The following FRMD6 variants were observed in gnomAD, a reference collection of about 807,000 sequenced individuals.
FRMD6 encodes the protein FERM domain containing 6.
A neutral mutation model predicts 73.2 loss-of-function variants in FRMD6; 37 were observed. That is an observed-to-expected ratio of 0.51 (90% CI 0.39 to 0.66). The LOEUF (loss-of-function observed/expected upper bound fraction) is 0.66. Among genes scored for constraint, FRMD6 ranks in the 30% least tolerant of loss-of-function variants. The pLI is 0.00. For missense variants in FRMD6, 714 were observed against 780.5 expected, an observed-to-expected ratio of 0.91 and a Z score of 1.02; for synonymous variants, 273 against 282.2, an observed-to-expected ratio of 0.97 and a Z score of 0.33.
At chr14:51,655,546 G>T (rs1198059143) in intron 1 of FRMD6, among the ~76,000 whole-genome samples, 1 of 152,162 alleles carries the variant, frequency 6.6e-6, no homozygotes, top group African/African-American at 2.4e-5. Flanking sequence ...TGAGGAAGAG[G>T]CTTTGGGGGC....
chr14:51,480,229 C>T, the FRMD6 span, among the ~76,000 whole-genome samples: 2 of 152,166 alleles, frequency 1.3e-5, no homozygotes, highest in Non-Finnish European at 2.9e-5. Flanking sequence ...AAAAACAGCA[C>T]AGTTGCATTT....
upstream of FRMD6, chr14:51,650,652 C>T (rs967082239): frequency 2.6e-5 from 4 of 151,380 alleles, no homozygotes; most frequent in Non-Finnish European, 5.9e-5. Flanking sequence ...GCCTCGGCCT[C>T]CCAAAGTGCT....
upstream of FRMD6, chr14:51,649,707 T>A (rs1892246763): frequency 6.6e-6 from 1 of 152,172 alleles, no homozygotes; most frequent in Non-Finnish European, 1.5e-5. Context: ...GCCTACACTG[T>A]CCTCAACTAT....
the FRMD6 span, among the ~76,000 whole-genome samples, chr14:51,416,104 C>G: frequency 3.3e-5 from 5 of 152,256 alleles, no homozygotes; most frequent in East Asian, 7.7e-4. Flanking sequence ...AAAAAACCAG[C>G]TCCTGGATTC....
chr14:51,644,353 TCACACACACACA>T (rs375341468), intron 2 of FRMD6, among the ~76,000 whole-genome samples: 21 of 142,072 alleles, frequency 1.5e-4, no homozygotes, highest in Non-Finnish European at 2.4e-4. Context: ...GCCTCACCCT[TCACACACACACA>T]CACACACACA....
At chr14:51,523,129 GA>G (rs1885040014) in intron 1 of FRMD6, among the ~76,000 whole-genome samples, 1 of 151,792 alleles carries the variant, frequency 6.6e-6, no homozygotes, top group Non-Finnish European at 1.5e-5. Flanking sequence ...TCATAATCAG[GA>G]AAAAAACATT....
chr14:51,694,312 T>C (rs990369683), intron 2 of FRMD6, among the ~76,000 whole-genome samples: 2 of 152,218 alleles, frequency 1.3e-5, no homozygotes, highest in Non-Finnish European at 2.9e-5. Flanking sequence ...ATTAAGCAAT[T>C]CTTTTTTTCT....
the FRMD6 span, among the ~76,000 whole-genome samples, chr14:51,404,722 A>G: frequency 5.9e-5 from 9 of 152,184 alleles, no homozygotes; most frequent in African/African-American, 2.2e-4. Context: ...ATTCTGTTCT[A>G]CCACTGACTC....
At chr14:51,459,714 C>A in the FRMD6 span, among the ~76,000 whole-genome samples, 3 of 150,752 alleles carry the variant, frequency 2.0e-5, no homozygotes, top group Non-Finnish European at 2.9e-5. Flanking sequence ...GTAGTCCCAG[C>A]TGCTCGGGAG....
At chr14:51,657,850 A>G (rs1477462185) in intron 1 of FRMD6, among the ~76,000 whole-genome samples, 1 of 152,182 alleles carries the variant, frequency 6.6e-6, no homozygotes, top group Non-Finnish European at 1.5e-5. Context: ...TTCAATTGAG[A>G]ATTGGTAAGA....
the FRMD6 span, among the ~76,000 whole-genome samples, chr14:51,469,618 G>GAAAAAA: frequency 5.2e-5 from 5 of 96,762 alleles, no homozygotes; most frequent in South Asian, 3.6e-4. Context: ...ATTTCAAAAA[G>GAAAAAA]AAAAAAAAAA....
At chr14:51,727,457 C>A (rs1232691641) in intron 13 of FRMD6, among the ~76,000 whole-genome samples, 4 of 152,150 alleles carry the variant, frequency 2.6e-5, no homozygotes, top group African/African-American at 9.7e-5. Flanking sequence ...AATGATAGTG[C>A]CTGCTTCCTA....
chr14:51,600,303 G>T (rs936336061), intron 2 of FRMD6, among the ~76,000 whole-genome samples: 1 of 152,106 alleles, frequency 6.6e-6, no homozygotes, highest in African/African-American at 2.4e-5. Context: ...TAACATTTCA[G>T]AAAAGCACCA....
chr14:51,674,249 C>T (rs532141919), intron 1 of FRMD6, among the ~76,000 whole-genome samples: 3 of 152,280 alleles, frequency 2.0e-5, no homozygotes, highest in South Asian at 4.1e-4. Flanking sequence ...TTCATTCTTC[C>T]AAACGTGAAA....
intron 2 of FRMD6, among the ~76,000 whole-genome samples, chr14:51,602,895 A>G (rs1381923242): frequency 6.6e-6 from 1 of 152,234 alleles, no homozygotes; most frequent in African/African-American, 2.4e-5. Context: ...GGTACTGGTG[A>G]AATTATGGTA....
chr14:51,499,783 G>A (rs772282411), intron 1 of FRMD6, among the ~76,000 whole-genome samples: 2 of 152,162 alleles, frequency 1.3e-5, no homozygotes, highest in Non-Finnish European at 2.9e-5. Flanking sequence ...ACTCTTTTAG[G>A]ACTCTAATTT....
At chr14:51,427,099 G>A in the FRMD6 span, among the ~76,000 whole-genome samples, 6 of 152,176 alleles carry the variant, frequency 3.9e-5, no homozygotes, top group Non-Finnish European at 5.9e-5. Flanking sequence ...CTGAGACCTA[G>A]TAGGTATATT....
chr14:51,609,307 C>A, intron 2 of FRMD6, among the ~76,000 whole-genome samples: 1 of 152,102 alleles, frequency 6.6e-6, no homozygotes, highest in East Asian at 1.9e-4. Flanking sequence ...CTGTTATGTT[C>A]CAAGTTATGG....
chr14:51,677,107 C>T (rs1042220655), intron 1 of FRMD6, among the ~76,000 whole-genome samples: 10 of 151,886 alleles, frequency 6.6e-5, no homozygotes, highest in Admixed American at 3.3e-4. Flanking sequence ...TTTTAATGTA[C>T]CATATTTTAT....
Sources: allele counts gnomAD v4.1 joint callset (sites outside exome capture counted in the v4.1 genomes callset), GRCh38; gene constraint gnomAD v4.1.1; transcripts MANE v1.5; gene names NCBI Gene and HGNC (gene_info 2026-07-23, HGNC 2026-07-21).